The following COL5A1 variants were observed in gnomAD, a reference collection of about 807,000 sequenced individuals.
COL5A1 encodes the protein collagen alpha-1(V) chain.
Under a neutral mutation model 263.7 loss-of-function variants are expected in COL5A1, and 16 were observed. The ratio of observed to expected loss-of-function variants is 0.06; its 90% confidence interval spans 0.04 to 0.09. The LOEUF (loss-of-function observed/expected upper bound fraction) is 0.09, where lower values mean the gene tolerates loss of function less well. Among genes scored for constraint, COL5A1 ranks in the 10% least tolerant of loss-of-function variants. The pLI is 1.00. For missense variants in COL5A1, 2,036 were observed against 2,540.5 expected (o/e 0.80, Z 4.27); for synonymous variants, 1,012 against 1,004.5 (o/e 1.01, Z -0.14).
At position 134,796,897 on chromosome 9, in the gene COL5A1, C is replaced by G. The variant is rs376435205; in HGVS notation, c.2894C>G (p.Pro965Arg). The change falls in exon 36 of 66, where the codon CCC becomes CGC. Residue 965 changes from proline (P) to arginine (R), a missense_variant. By Grantham distance (103) the Pro-to-Arg change is moderately radical. Coordinates refer to ENST00000371817, the MANE Select transcript of COL5A1 (RefSeq NM_000093.5). The part of the protein sequence containing the change: ...GPTGFPGPKG[P>R]PGPPGKDGLP... ...ACAGGATTTCCTGGACCAAAGGGCC[C>G]CCCTGTAAGTAATGGCTTCCTTGCT... The G allele has an allele frequency of 3.1e-6, 5 of 1,613,906 alleles. No individual in the cohort carries two copies. The highest frequency in any genetic ancestry group is 4.2e-6 in the Non-Finnish European group (5 of 1,179,900).
At chr9:134,774,970 C>T (rs1388973661) in intron 27 of COL5A1, 58 bp downstream of exon 27, 6 of 1,514,360 alleles carry the variant, frequency 4.0e-6, no homozygotes, top group Non-Finnish European at 4.6e-6. Flanking sequence ...GGACTGTGGG[C>T]CTTGGCGTGG....
At chr9:134,798,523 C>G in intron 37 of COL5A1, 62 bp downstream of exon 37, 1 of 1,527,186 alleles carries the variant, frequency 6.5e-7, no homozygotes, top group Non-Finnish European at 9.1e-7. Flanking sequence ...TGCACGTGGG[C>G]ACAGCCCTCG....
intron 49 of COL5A1, 66 bp downstream of exon 49, chr9:134,814,102 G>A (rs1838647931): frequency 6.7e-6 from 10 of 1,487,090 alleles, no homozygotes; most frequent in African/African-American, 1.4e-5. Flanking sequence ...GGGGTGCTGG[G>A]TTGGAGGCTC....
chr9:134,767,808 C>T (rs186426911), intron 24 of COL5A1, among the ~76,000 whole-genome samples: 5 of 152,316 alleles, frequency 3.3e-5, no homozygotes, highest in African/African-American at 7.2e-5. Flanking sequence ...TAGAGCTTGT[C>T]GCTTAACCAG....
chr9:134,687,589 G>A (rs751016520), intron 1 of COL5A1, among the ~76,000 whole-genome samples: 21 of 152,196 alleles, frequency 1.4e-4, no homozygotes, highest in Non-Finnish European at 2.6e-4. Flanking sequence ...AGCTTTCGGA[G>A]CTGGCCTTCT....
intron 1 of COL5A1, among the ~76,000 whole-genome samples, chr9:134,665,178 G>T (rs1832320210): frequency 6.6e-6 from 1 of 152,186 alleles, no homozygotes; most frequent in Admixed American, 6.5e-5. Flanking sequence ...CAGCCTGGGC[G>T]ACAGAGAGAG....
At chr9:134,643,702 G>A (rs1001947658) in intron 1 of COL5A1, among the ~76,000 whole-genome samples, 6 of 152,150 alleles carry the variant, frequency 3.9e-5, no homozygotes, top group African/African-American at 1.4e-4. Flanking sequence ...GAAGGTGGGG[G>A]ACAACAGAGG....
In COL5A1 at chr9:134,699,899, T is replaced by C; in HGVS notation, c.278-10T>C. The C allele has an allele frequency of 6.2e-7, 1 of 1,613,828 alleles. No homozygotes were observed. Among genetic ancestry groups the C allele is most frequent in the Non-Finnish European group, 8.5e-7 (1 of 1,179,950 alleles). ...CCCGACTGCCTTCTCACCTCTGTGC[T>C]CTGTTCCAGCGTCTGCATTTCCCGA... On this transcript the variant is annotated splice_polypyrimidine_tract_variant and intron_variant, in intron 2 of 65. Coordinates refer to ENST00000371817, the MANE Select transcript of COL5A1 (RefSeq NM_000093.5).
At chr9:134,659,792 C>A (rs12551020) in intron 1 of COL5A1, among the ~76,000 whole-genome samples, 1 of 152,060 alleles carries the variant, frequency 6.6e-6, no homozygotes, top group Non-Finnish European at 1.5e-5. Flanking sequence ...ATGAGATCTG[C>A]GGATTAGATC....
intron 14 of COL5A1, among the ~76,000 whole-genome samples, chr9:134,753,059 A>G (rs3109673): frequency 0.59 from 90,048 of 151,914 alleles, 28,286 homozygotes; most frequent in African/African-American, 0.81. Context: ...GTGGCTCCTT[A>G]GAGGGATGGG....
intron 39 of COL5A1, 123 bp downstream of exon 39, chr9:134,803,118 G>T: frequency 1.2e-6 from 1 of 828,452 alleles, no homozygotes; most frequent in Non-Finnish European, 2.0e-6. Flanking sequence ...TTCTCATGCC[G>T]GTTCACTCCC....
At chr9:134,809,683 T>C (rs1263694271) in intron 43 of COL5A1, among the ~76,000 whole-genome samples, 1 of 152,262 alleles carries the variant, frequency 6.6e-6, no homozygotes, top group African/African-American at 2.4e-5. Context: ...GCTTGAATTA[T>C]CCAGGCTCCC....
chr9:134,729,020 G>A (rs574298597), intron 6 of COL5A1, among the ~76,000 whole-genome samples: 38 of 152,348 alleles, frequency 2.5e-4, no homozygotes, highest in African/African-American at 8.7e-4. Context: ...GACGTTGGGA[G>A]ATGCCAAGTA....
chr9:134,766,584 C>T (rs1270718061), intron 22 of COL5A1, 86 bp downstream of exon 22: 3 of 1,380,532 alleles, frequency 2.2e-6, no homozygotes, highest in African/African-American at 2.8e-5. Flanking sequence ...CCATCGCTGT[C>T]CACATCAGCT....
chr9:134,694,667 GT>G (rs1369870962), intron 2 of COL5A1, among the ~76,000 whole-genome samples: 1 of 152,218 alleles, frequency 6.6e-6, no homozygotes, highest in African/African-American at 2.4e-5. Flanking sequence ...CTGAGCCACG[GT>G]TGCTGACCGA....
chr9:134,801,033 G>A (rs76332677), intron 37 of COL5A1, among the ~76,000 whole-genome samples: 8,415 of 152,296 alleles, frequency 0.055, 318 homozygotes, highest in African/African-American at 0.11. Context: ...CTCTGCAGAC[G>A]TGCCTGGAAA....
chr9:134,797,341 G>A (rs114261223), intron 36 of COL5A1, among the ~76,000 whole-genome samples: 2,011 of 152,296 alleles, frequency 0.013, 42 homozygotes, highest in African/African-American at 0.043. Flanking sequence ...GGAAGCTCTA[G>A]GGGAGATGGG....
intron 4 of COL5A1, among the ~76,000 whole-genome samples, chr9:134,718,127 A>G (rs996082950): frequency 1.3e-5 from 2 of 152,172 alleles, no homozygotes; most frequent in Non-Finnish European, 1.5e-5. Context: ...CACAACAGAG[A>G]CGCAGCCTGG....
At chr9:134,715,841 T>C (rs1834241153) in intron 4 of COL5A1, among the ~76,000 whole-genome samples, 2 of 152,224 alleles carry the variant, frequency 1.3e-5, no homozygotes, top group South Asian at 2.1e-4. Flanking sequence ...CTCTTATGTC[T>C]ACTTCTTTCT....
Sources: gnomAD v4.1 joint callset for allele counts (sites outside exome capture counted in the v4.1 genomes callset) on GRCh38, gnomAD v4.1.1 for gene constraint, MANE v1.5 for transcripts, NCBI Gene and HGNC (gene_info 2026-07-23, HGNC 2026-07-21) for gene names.